RASAL2: variants seen among roughly 807,000 people sequenced by gnomAD.
RASAL2 encodes the protein ras GTPase-activating protein nGAP.
Under a neutral mutation model 128.9 loss-of-function variants are expected in RASAL2, and 58 were observed. That is an observed-to-expected ratio of 0.45 (90% CI 0.36 to 0.56). RASAL2 has a LOEUF of 0.56. Ranked by LOEUF, RASAL2 falls within the 20% of genes least tolerant of loss-of-function variation. RASAL2 has a pLI of 0.00. For synonymous variants in RASAL2, 561 were observed against 580.8 expected (o/e 0.97, Z 0.49); for missense variants, 1,360 against 1,601.6 (o/e 0.85, Z 2.57).
At chr1:178,417,649 C>T (rs557144219) in intron 4 of RASAL2, among the ~76,000 whole-genome samples, 46 of 151,590 alleles carry the variant, frequency 3.0e-4, no homozygotes, top group Admixed American at 2.9e-3. Flanking sequence ...ATCCCAGCTA[C>T]TCGGGAGGTT....
Position 178,094,398 on chromosome 1 carries a change from C to T in RASAL2, c.-95C>T, listed in dbSNP as rs1052157518. The T allele has an allele frequency of 1.7e-6, 2 of 1,203,176 alleles. No homozygotes were observed. Among genetic ancestry groups the T allele is most frequent in the South Asian group, 1.6e-5 (1 of 61,644 alleles). 74.5% of individuals were successfully genotyped at this position (1,203,176 alleles called of 1,614,324 possible). A position where few individuals can be genotyped will look rare whatever the true frequency, so the allele number is the denominator to read the frequency against. ...CGCTCGGGTCCCTGCCCTCGCTGCG[C>T]GCTCTCCTCCTCCCCTTACCGCAGG... On this transcript the variant is annotated 5_prime_UTR_variant, in exon 1 of 18. Coordinates refer to ENST00000367649, the MANE Select transcript of RASAL2 (RefSeq NM_170692.4).
At chr1:178,095,084 C>T (rs925409091) in intron 1 of RASAL2, among the ~76,000 whole-genome samples, 1 of 152,022 alleles carries the variant, frequency 6.6e-6, no homozygotes, top group African/African-American at 2.4e-5. Flanking sequence ...GACTGGAAAC[C>T]AAGATATTAT....
chr1:178,376,201 C>A (rs1021041105), intron 3 of RASAL2, among the ~76,000 whole-genome samples: 2 of 152,024 alleles, frequency 1.3e-5, no homozygotes, highest in African/African-American at 2.4e-5. Context: ...CAGAAAAAAA[C>A]CACTAGGCTT....
At chr1:178,436,972 T>C (rs763019572) in intron 5 of RASAL2, among the ~76,000 whole-genome samples, 10 of 152,118 alleles carry the variant, frequency 6.6e-5, no homozygotes, top group Non-Finnish European at 1.3e-4. Context: ...GATAGAAGCC[T>C]CACCATTCCT....
At chr1:178,129,808 T>C (rs1660035987) in intron 1 of RASAL2, among the ~76,000 whole-genome samples, 1 of 152,172 alleles carries the variant, frequency 6.6e-6, no homozygotes, top group African/African-American at 2.4e-5. Flanking sequence ...TATCCAATTA[T>C]CCTGACATCA....
intron 14 of RASAL2, among the ~76,000 whole-genome samples, chr1:178,460,017 A>G (rs569062591): frequency 1.4e-4 from 22 of 152,230 alleles, no homozygotes; most frequent in Non-Finnish European, 3.1e-4. Context: ...TAGTTTCCTC[A>G]CATCACTTTT....
At chr1:178,236,888 T>G (rs565404590) in intron 1 of RASAL2, among the ~76,000 whole-genome samples, 1 of 151,398 alleles carries the variant, frequency 6.6e-6, no homozygotes, top group African/African-American at 2.4e-5. Flanking sequence ...CTCAGCCTCC[T>G]GAGTAGCTGG....
chr1:178,438,103 TG>T (rs1251314268), intron 5 of RASAL2, among the ~76,000 whole-genome samples: 2 of 14,792 alleles, frequency 1.4e-4, no homozygotes, highest in African/African-American at 2.3e-4. Context: ...AATGGTGGCT[TG>T]TGTGTGTGTG....
At chr1:178,364,476 A>T (rs1222423685) in intron 3 of RASAL2, among the ~76,000 whole-genome samples, 6 of 152,224 alleles carry the variant, frequency 3.9e-5, no homozygotes, top group Admixed American at 6.5e-5. Context: ...TAGGGTTGAT[A>T]TGAGGAGAAA....
chr1:178,464,567 G>GGTGTGTGTGTGTGTGTGTGTGT (rs58822651), intron 15 of RASAL2, among the ~76,000 whole-genome samples, 155 bp downstream of exon 15: 20 of 145,120 alleles, frequency 1.4e-4, no homozygotes, highest in African/African-American at 4.3e-4. Flanking sequence ...ATAGGTCAGT[G>GGTGTGTGTGTGTGTGTGTGTGT]GTGTGTGTGT....
At chr1:178,167,617 A>G (rs1294240672) in intron 1 of RASAL2, among the ~76,000 whole-genome samples, 1 of 152,232 alleles carries the variant, frequency 6.6e-6, no homozygotes, top group African/African-American at 2.4e-5. Context: ...CTAATAGCCT[A>G]CGGTTGACCC....
chr1:178,139,993 T>A (rs1347659163), intron 1 of RASAL2, among the ~76,000 whole-genome samples: 1 of 152,182 alleles, frequency 6.6e-6, no homozygotes, highest in Admixed American at 6.5e-5. Flanking sequence ...TACTTTTTAA[T>A]GCTAAGAGGT....
chr1:178,198,011 G>A (rs1025438133), intron 1 of RASAL2, among the ~76,000 whole-genome samples: 17 of 152,188 alleles, frequency 1.1e-4, no homozygotes, highest in African/African-American at 2.6e-4. Flanking sequence ...CATCCATGTC[G>A]CTACAAAGGA....
chr1:178,176,782 A>G (rs1288270375), intron 1 of RASAL2, among the ~76,000 whole-genome samples: 2 of 152,042 alleles, frequency 1.3e-5, no homozygotes, highest in African/African-American at 4.8e-5. Context: ...AGTAGCTGAG[A>G]CTACAGGCGT....
At chr1:178,457,625 A>G in intron 13 of RASAL2, 58 bp from the exon 14 acceptor site, 4 of 1,562,836 alleles carry the variant, frequency 2.6e-6, no homozygotes, top group Non-Finnish European at 3.5e-6. Context: ...GAATTGAGGC[A>G]TCTTAGCCAT....
chr1:178,256,154 A>C (rs1665333133), intron 1 of RASAL2, among the ~76,000 whole-genome samples: 2 of 152,230 alleles, frequency 1.3e-5, no homozygotes, highest in Non-Finnish European at 1.5e-5. Context: ...TAAGTATTAT[A>C]AACTATGACC....
At chr1:178,266,563 C>G (rs532878194) in intron 1 of RASAL2, among the ~76,000 whole-genome samples, 21 of 151,974 alleles carry the variant, frequency 1.4e-4, no homozygotes, top group Non-Finnish European at 2.8e-4. Context: ...CATGGACACA[C>G]GTGGAGTGGT....
At chr1:178,380,669 T>C (rs921331438) in intron 3 of RASAL2, among the ~76,000 whole-genome samples, 1 of 152,190 alleles carries the variant, frequency 6.6e-6, no homozygotes, top group African/African-American at 2.4e-5. Flanking sequence ...TTTTATTCTA[T>C]CTTAATAATC....
intron 4 of RASAL2, among the ~76,000 whole-genome samples, chr1:178,404,675 G>A (rs1355510698): frequency 4.4e-5 from 6 of 137,162 alleles, no homozygotes; most frequent in African/African-American, 1.6e-4. Context: ...AACCGCACCT[G>A]GCCCCCCAAT....
Sources: allele counts gnomAD v4.1 joint callset (sites outside exome capture counted in the v4.1 genomes callset), GRCh38; gene constraint gnomAD v4.1.1; transcripts MANE v1.5; gene names NCBI Gene and HGNC (gene_info 2026-07-23, HGNC 2026-07-21).